ZC2HC1A: variants seen among roughly 807,000 people sequenced by gnomAD.
The protein encoded by ZC2HC1A is zinc finger C2HC domain-containing protein 1A.
A neutral mutation model predicts 40.7 loss-of-function variants in ZC2HC1A; 28 were observed. That is an observed-to-expected ratio of 0.69 (90% CI 0.51 to 0.94). The LOEUF is 0.94. ZC2HC1A is among the 40% of genes least tolerant of loss of function. The pLI is 0.00. For missense variants in ZC2HC1A, 389 were observed against 386.3 expected (o/e 1.01, Z -0.06); for synonymous variants, 129 against 129.2 (o/e 1.00, Z 0.01).
At position 78,719,659 on chromosome 8, in the gene ZC2HC1A, A is replaced by AG. The variant is rs1323109398; in HGVS notation, c.*2167dup. ...ATTCTGAATTGTGTTAGGTTGAAAA[A>AG]GATGATTGTGGTGACTATTATTTCT... On this transcript the variant is annotated 3_prime_UTR_variant, in exon 9 of 9. Transcript: ENST00000263849. The AG allele has an allele frequency of 6.6e-6, 1 of 151,744 alleles. No homozygotes were observed. The highest frequency in any genetic ancestry group is 6.6e-5 in the Admixed American group (1 of 15,234). 9.4% of individuals were successfully genotyped at this position (151,744 alleles called of 1,614,324 possible).
At chr8:78,705,898 C>T (rs894927015) in intron 7 of ZC2HC1A, among the ~76,000 whole-genome samples, 3 of 151,962 alleles carry the variant, frequency 2.0e-5, no homozygotes, top group African/African-American at 7.3e-5. Context: ...TGGGTTACCA[C>T]TTTCGTCCCA....
intron 7 of ZC2HC1A, among the ~76,000 whole-genome samples, chr8:78,711,085 G>T (rs1810936296): frequency 2.0e-5 from 3 of 152,066 alleles, no homozygotes; most frequent in African/African-American, 7.2e-5. Flanking sequence ...GATGCTCAGG[G>T]TTTATAGTCA....
chr8:78,678,822 A>G (rs2130445113), intron 3 of ZC2HC1A, 143 bp downstream of exon 3: 3 of 486,880 alleles, frequency 6.2e-6, no homozygotes, highest in Non-Finnish European at 1.0e-5. Context: ...TCTGTGTTAT[A>G]TGTTCAGTTT....
intron 5 of ZC2HC1A, among the ~76,000 whole-genome samples, chr8:78,694,308 G>A (rs748913431): frequency 6.9e-6 from 1 of 145,572 alleles, no homozygotes; most frequent in Non-Finnish European, 1.5e-5. Context: ...TTCTCATTCA[G>A]TTTCCTTATA....
chr8:78,680,891 G>C (rs755243364), intron 3 of ZC2HC1A, among the ~76,000 whole-genome samples: 19 of 152,166 alleles, frequency 1.2e-4, no homozygotes, highest in Non-Finnish European at 2.1e-4. Context: ...ACTGGGAGGA[G>C]CTGTAGGAAT....
At chr8:78,715,448 A>G in intron 8 of ZC2HC1A, 120 bp downstream of exon 8, 1 of 916,694 alleles carries the variant, frequency 1.1e-6, no homozygotes, top group Non-Finnish European at 1.6e-6. Flanking sequence ...TTTTTCTTTT[A>G]ATCTGGCTTT....
chr8:78,690,963 A>G (rs1810192795), intron 5 of ZC2HC1A, among the ~76,000 whole-genome samples: 1 of 152,068 alleles, frequency 6.6e-6, no homozygotes. Flanking sequence ...TCATTTACTA[A>G]TAATAGTCTT....
intron 7 of ZC2HC1A, among the ~76,000 whole-genome samples, chr8:78,708,940 A>G (rs1164486732): frequency 6.6e-6 from 1 of 152,180 alleles, no homozygotes; most frequent in African/African-American, 2.4e-5. Context: ...TGCTGGGATT[A>G]CAGGCATGAG....
intron 5 of ZC2HC1A, 30 bp downstream of exon 5, chr8:78,689,403 C>A: frequency 6.6e-7 from 1 of 1,525,740 alleles, no homozygotes; most frequent in Non-Finnish European, 8.8e-7. Context: ...TTGCTATAAA[C>A]GAGAAAATGG....
At chr8:78,710,593 G>C (rs750515958) in intron 7 of ZC2HC1A, among the ~76,000 whole-genome samples, 3 of 151,908 alleles carry the variant, frequency 2.0e-5, no homozygotes, top group Non-Finnish European at 4.4e-5. Context: ...AGTTTTTTCT[G>C]AGAAAGAAAA....
rs1000388443 is a variant in ZC2HC1A, at chr8:78,717,656, TTA to T, written c.*167_*168del. ...TTTTGGCTATATAATGTGTGTATGT[TTA>T]TATGTGTACATATACTGTATATAAT... On this transcript the variant is annotated 3_prime_UTR_variant, in exon 9 of 9. Coordinates refer to ENST00000263849, the MANE Select transcript of ZC2HC1A (RefSeq NM_016010.3). 7.3e-5 allele frequency: 49 copies of T among 670,854 alleles called. No homozygotes were observed. The African/African-American group carries it at 8.5e-4, about 12-fold the overall frequency. 41.6% of individuals were successfully genotyped at this position (670,854 alleles called of 1,614,324 possible). A position where few individuals can be genotyped will look rare whatever the true frequency, so the allele number is the denominator to read the frequency against.
chr8:78,679,291 T>A (rs1420452006), intron 3 of ZC2HC1A: 1 of 152,166 alleles, frequency 6.6e-6, no homozygotes, highest in Non-Finnish European at 1.5e-5. Context: ...TAGTAATCCC[T>A]TGGTATCTGT....
At chr8:78,695,817 G>A (rs753450979) in intron 5 of ZC2HC1A, among the ~76,000 whole-genome samples, 50 of 152,050 alleles carry the variant, frequency 3.3e-4, no homozygotes, top group Non-Finnish European at 6.9e-4. Context: ...TTCAGGTGCT[G>A]GCATAATACT....
chr8:78,696,286 G>A lies in ZC2HC1A; in HGVS notation c.505-1121G>A, dbSNP rs746871173. Among the ~76,000 whole-genome samples, 6 of 152,058 alleles carry A rather than the reference G, an allele frequency of 3.9e-5. No individual in the cohort carries two copies. In the East Asian group the frequency reaches 5.8e-4, roughly 15 times the overall value. ...CCTGACCTTGTGATCCACCTGCCTC[G>A]GCCTTCCAAAGTGCTGGGATTACAG... On this transcript the variant is annotated intron_variant, in intron 5 of 8. Coordinates refer to ENST00000263849, the MANE Select transcript of ZC2HC1A (RefSeq NM_016010.3).
At chr8:78,672,041 G>T (rs921074858) in intron 1 of ZC2HC1A, among the ~76,000 whole-genome samples, 1 of 152,028 alleles carries the variant, frequency 6.6e-6, no homozygotes, top group Non-Finnish European at 1.5e-5. Flanking sequence ...CTTGCCTGAG[G>T]ACTCATAGTT....
intron 7 of ZC2HC1A, among the ~76,000 whole-genome samples, chr8:78,704,591 C>T (rs1297406679): frequency 6.6e-6 from 1 of 152,056 alleles, no homozygotes; most frequent in Non-Finnish European, 1.5e-5. Flanking sequence ...ATGATCATCT[C>T]ATGAGTATCT....
At position 78,697,516 on chromosome 8, in the gene ZC2HC1A, G is replaced by T; in HGVS notation, c.604+10G>T. The T allele has an allele frequency of 6.3e-7, 1 of 1,598,854 alleles. No homozygotes were observed. The highest frequency in any genetic ancestry group is 8.5e-7 in the Non-Finnish European group (1 of 1,173,518). On this transcript the variant is annotated intron_variant, in intron 6 of 8. Transcript: ENST00000263849. Reference sequence around the variant, plus strand: ...GGCAAAACTGTTGTAGGTAATGATAGCCGAAAAGCAACTTGATTTGTTTTT... The same window carrying T: ...GGCAAAACTGTTGTAGGTAATGATATCCGAAAAGCAACTTGATTTGTTTTT...
intron 7 of ZC2HC1A, among the ~76,000 whole-genome samples, chr8:78,710,907 A>G (rs1338393461): frequency 1.3e-5 from 2 of 152,140 alleles, no homozygotes; most frequent in Admixed American, 1.3e-4. Flanking sequence ...GAAAGAAGAC[A>G]AAAATTAATA....
intron 1 of ZC2HC1A, among the ~76,000 whole-genome samples, chr8:78,673,123 T>C (rs920265118): frequency 6.6e-6 from 1 of 152,128 alleles, no homozygotes; most frequent in African/African-American, 2.4e-5. Flanking sequence ...TGTCCATGTG[T>C]TCTCATTGTT....
Sources: gnomAD v4.1 joint callset for allele counts (sites outside exome capture counted in the v4.1 genomes callset) on GRCh38, gnomAD v4.1.1 for gene constraint, MANE v1.5 for transcripts, NCBI Gene and HGNC (gene_info 2026-07-23, HGNC 2026-07-21) for gene names.